RYR2: variants seen among roughly 807,000 people sequenced by gnomAD.
RYR2 encodes the protein cardiac muscle ryanodine receptor-calcium release channel.
RYR2 carries 227 observed loss-of-function variants against 601.1 expected under a neutral mutation model. The ratio of observed to expected loss-of-function variants is 0.38; its 90% CI spans 0.34 to 0.42. RYR2 has a LOEUF of 0.42. Among genes scored for constraint, RYR2 ranks in the 10% least tolerant of loss-of-function variants. RYR2 has a pLI of 1.00. For synonymous variants in RYR2, 2,223 were observed against 2,175.1 expected (o/e 1.02, Z -0.61); for missense variants, 4,646 against 6,156.5 (o/e 0.75, Z 8.21).
At chr1:237,345,644 G>T (rs1698240507) in intron 3 of RYR2, among the ~76,000 whole-genome samples, 1 of 151,746 alleles carries the variant, frequency 6.6e-6, no homozygotes, top group South Asian at 2.1e-4. Context: ...CATTATTCAT[G>T]ACTGATGATT....
At chr1:237,679,396 G>A (rs1487951400) in intron 61 of RYR2, among the ~76,000 whole-genome samples, 3 of 152,180 alleles carry the variant, frequency 2.0e-5, no homozygotes, top group South Asian at 4.1e-4. Flanking sequence ...TCAAGGAAGA[G>A]CAATAAAAAC....
Position 237,610,977 on chromosome 1 carries a change from T to C in RYR2, c.4899T>C (p.Pro1633=), listed in dbSNP as rs1060503853. 1.6e-5 allele frequency: 25 copies of C among 1,612,058 alleles called. No individual in the cohort carries two copies. Among genetic ancestry groups the C allele is most frequent in the Non-Finnish European group, 2.0e-5 (24 of 1,179,074 alleles). ...TGCAGTTCATGTCTCTTCATATCCC[T>C]GAGGAAAACAGGTCAGCCCCAGTGA... The part of the protein sequence containing the change: ...DPLQFMSLHI[P]EENRSVDILE... The change falls in exon 36 of 105, where the codon CCT becomes CCC. Residue 1633 remains proline, a synonymous_variant. Coordinates refer to ENST00000366574, the MANE Select transcript of RYR2 (RefSeq NM_001035.3). This position sits in a 1 kb window ranked among gnomAD's most constrained non-coding sequence, Gnocchi z 4.9.
rs1020738257 is a variant in RYR2, at chr1:237,068,835, C to T, written c.48+26266C>T. Among the ~76,000 whole-genome samples, 9 of 152,204 alleles carry T rather than the reference C, an allele frequency of 5.9e-5. No homozygotes were observed. The South Asian group carries it at 1.9e-3, about 32-fold the overall frequency. On this transcript the variant is annotated intron_variant, in intron 1 of 104. Transcript: ENST00000366574. ...TCCCTTTACTGTTTTTAGATCTCCC[C>T]GTACTGTGGCCTTTAACTGACATTT...
intron 1 of RYR2, among the ~76,000 whole-genome samples, chr1:237,136,534 A>G (rs1415712): frequency 0.43 from 65,912 of 152,020 alleles, 17,202 homozygotes; most frequent in Non-Finnish European, 0.57. Flanking sequence ...GGACTCAGAC[A>G]GGCCTCCTGT....
chr1:237,043,233 C>T (rs910516142), intron 1 of RYR2, among the ~76,000 whole-genome samples: 2 of 152,086 alleles, frequency 1.3e-5, no homozygotes, highest in African/African-American at 4.8e-5. Context: ...CTGGTGCCAT[C>T]CGTGGTGGTG....
chr1:237,804,773 ACACTT>A (rs1574028167), intron 98 of RYR2, among the ~76,000 whole-genome samples: 1 of 152,220 alleles, frequency 6.6e-6, no homozygotes, highest in East Asian at 1.9e-4. Flanking sequence ...GGTTAATAAA[ACACTT>A]CATATAATTT....
chr1:237,255,401 T>C (rs1191251083), intron 1 of RYR2, among the ~76,000 whole-genome samples: 2 of 152,218 alleles, frequency 1.3e-5, no homozygotes, highest in Admixed American at 6.5e-5. Context: ...TCCACATAGA[T>C]GACATCTATA....
At chr1:237,667,589 C>G (rs1684437009) in intron 57 of RYR2, among the ~76,000 whole-genome samples, 1 of 152,128 alleles carries the variant, frequency 6.6e-6, no homozygotes, top group Non-Finnish European at 1.5e-5. Context: ...CTTGTAAATA[C>G]AAATAGTTTT....
At chr1:237,674,979 A>T (rs1573467769) in intron 60 of RYR2, 133 bp downstream of exon 60, 4 of 452,690 alleles carry the variant, frequency 8.8e-6, no homozygotes, top group Non-Finnish European at 1.6e-5. Context: ...CCTACTACTA[A>T]GTAGAGTTCA....
chr1:237,218,997 T>C (rs2149129078), intron 1 of RYR2, among the ~76,000 whole-genome samples: 1 of 150,262 alleles, frequency 6.7e-6, no homozygotes, highest in East Asian at 2.0e-4. Context: ...TCTTTCTGCT[T>C]TCCTTATACT....
At chr1:237,612,137 C>A (rs1205706930) in intron 36 of RYR2, among the ~76,000 whole-genome samples, 1 of 152,016 alleles carries the variant, frequency 6.6e-6, no homozygotes, top group African/African-American at 2.4e-5. Flanking sequence ...ACTTTGAAGA[C>A]ATTATATTAA....
chr1:237,222,273 C>T (rs1471053090), intron 1 of RYR2, among the ~76,000 whole-genome samples: 12 of 151,910 alleles, frequency 7.9e-5, no homozygotes, highest in Non-Finnish European at 8.8e-5. Context: ...ATTAGCTGGG[C>T]GTGGTGGCAG....
chr1:237,709,678 T>A (rs952829132), intron 70 of RYR2, 111 bp downstream of exon 70: 1 of 578,818 alleles, frequency 1.7e-6, no homozygotes, highest in Admixed American at 3.2e-5. Flanking sequence ...CCCTGAGGAG[T>A]TTGAGGGAAT....
At chr1:237,405,781 T>C (rs1028066729) in intron 10 of RYR2, among the ~76,000 whole-genome samples, 2 of 151,950 alleles carry the variant, frequency 1.3e-5, no homozygotes, top group African/African-American at 4.8e-5. Context: ...CCTTCCTGTT[T>C]ACTGTGATTT....
intron 45 of RYR2, 92 bp downstream of exon 45, chr1:237,638,584 T>C: frequency 7.4e-7 from 1 of 1,342,760 alleles, no homozygotes; most frequent in Non-Finnish European, 1.0e-6. Context: ...ATGAAGGAAG[T>C]ATTAGTAAAG....
intron 41 of RYR2, among the ~76,000 whole-genome samples, chr1:237,630,755 C>G (rs1163964283): frequency 6.6e-6 from 1 of 152,108 alleles, no homozygotes; most frequent in Admixed American, 6.6e-5. Context: ...TACCTTGACA[C>G]ACATATTACA....
intron 1 of RYR2, among the ~76,000 whole-genome samples, chr1:237,067,487 G>A (rs1234879011): frequency 2.6e-5 from 4 of 152,042 alleles, no homozygotes; most frequent in African/African-American, 9.7e-5. Context: ...CGCTTCATTC[G>A]TCTATGTGTC....
intron 1 of RYR2, among the ~76,000 whole-genome samples, chr1:237,048,359 A>G (rs1660848844): frequency 6.6e-6 from 1 of 151,936 alleles, no homozygotes; most frequent in Non-Finnish European, 1.5e-5. Flanking sequence ...TCCAACTCAG[A>G]TTTCGATGTG....
chr1:237,053,164 T>C (rs1661497328), intron 1 of RYR2, among the ~76,000 whole-genome samples: 1 of 152,180 alleles, frequency 6.6e-6, no homozygotes, highest in Non-Finnish European at 1.5e-5. Flanking sequence ...TCTTATTTTT[T>C]AGACTATCCC....
Sources: allele counts gnomAD v4.1 joint callset (sites outside exome capture counted in the v4.1 genomes callset), GRCh38; gene constraint gnomAD v4.1.1; non-coding constraint Gnocchi (gnomAD v3.1); transcripts MANE v1.5; gene names NCBI Gene and HGNC (gene_info 2026-07-23, HGNC 2026-07-21).